Variants in NUP153 observed in about 807,000 individuals in gnomAD.
The protein encoded by NUP153 is nucleoporin 153, also known as nuclear pore complex protein Nup153.
Under a neutral mutation model 134.6 loss-of-function variants are expected in NUP153, and 27 were observed. The observed-to-expected ratio is 0.20, with a 90% CI of 0.15 to 0.28. The LOEUF (loss-of-function observed/expected upper bound fraction) is 0.28. NUP153 is among the 10% of genes least tolerant of loss of function. NUP153 has a pLI of 1.00. For missense variants in NUP153, 1,821 were observed against 1,731.3 expected (o/e 1.05, Z -0.92); for synonymous variants, 640 against 623.5 (o/e 1.03, Z -0.40).
Position 17,646,427 on chromosome 6 carries a change from C to T in NUP153, c.1633-273G>A, listed in dbSNP as rs375112063. On this transcript the variant is annotated intron_variant, in intron 13 of 21. Coordinates refer to ENST00000262077, the MANE Select transcript of NUP153 (RefSeq NM_005124.4). Reference sequence around the variant, plus strand: ...TTCACTGTGTTAGCCAGGATGGTCTCGATCTACTGACCTTGTGATCCGCCC... The same window carrying T: ...TTCACTGTGTTAGCCAGGATGGTCTTGATCTACTGACCTTGTGATCCGCCC... Among the ~76,000 whole-genome samples, 55 of 152,230 alleles carry T rather than the reference C, an allele frequency of 3.6e-4. No individual in the cohort carries two copies. The East Asian group carries it at 3.7e-3, about 10-fold the overall frequency.
chr6:17,669,896 A>G (rs1327482395), intron 5 of NUP153, among the ~76,000 whole-genome samples: 1 of 151,946 alleles, frequency 6.6e-6, no homozygotes, highest in Non-Finnish European at 1.5e-5. Context: ...GGAGTTCAAG[A>G]CCAGCCTGGG....
chr6:17,646,211 CT>C, intron 13 of NUP153, 57 bp from the exon 14 acceptor site: 4 of 903,958 alleles, frequency 4.4e-6, no homozygotes, highest in Non-Finnish European at 7.1e-6. Context: ...AAATATAGAG[CT>C]TTTTTATTCC....
intron 8 of NUP153, among the ~76,000 whole-genome samples, chr6:17,666,128 A>G (rs1767521464): frequency 6.6e-6 from 1 of 151,534 alleles, no homozygotes; most frequent in African/African-American, 2.4e-5. Context: ...CACCTGGCCC[A>G]GAGTGAATTT....
chr6:17,616,167 T>G lies in NUP153; in HGVS notation c.4358A>C (p.Asn1453Thr). The G allele has an allele frequency of 6.2e-7, 1 of 1,612,702 alleles. No individual in the cohort carries two copies. Among genetic ancestry groups the G allele is most frequent in the South Asian group, 1.1e-5 (1 of 91,050 alleles). Residue 1453 changes from asparagine to threonine, a missense_variant, in exon 22 of 22, where the codon AAT becomes ACT. By Grantham distance (65) the Asn-to-Thr change is moderately conservative (BLOSUM62 0). Transcript: ENST00000262077. ...AAFTVGSNGKNVFSSSGTSFS... is the reference protein window; with the variant it reads ...AAFTVGSNGKTVFSSSGTSFS... ...TGAAGTTCCAGAAGAAGAGAACACATTTTTCCCATTTGACCTGTGAAAAAT... is the reference window on the plus strand; with the variant it reads ...TGAAGTTCCAGAAGAAGAGAACACAGTTTTCCCATTTGACCTGTGAAAAAT...
intron 2 of NUP153, among the ~76,000 whole-genome samples, chr6:17,678,893 C>CCCAGGAG (rs1245901599): frequency 1.9e-4 from 29 of 151,062 alleles, no homozygotes; most frequent in Non-Finnish European, 4.1e-4. Context: ...CTGCAATGAG[C>CCCAGGAG]TATGATGGCA....
chr6:17,703,668 AAGG>A (rs1770270475), intron 1 of NUP153, among the ~76,000 whole-genome samples: 1 of 151,862 alleles, frequency 6.6e-6, no homozygotes, highest in Non-Finnish European at 1.5e-5. Context: ...AAAAAAAAAA[AAGG>A]AGAGTATTCT....
In NUP153 at chr6:17,616,035, T is replaced by A; in HGVS notation, c.*62A>T. ...CAGATAACCCCAGCACAAAGTACAA[T>A]CCAGTATCTGAAAGCAGGGCACCAG... On this transcript the variant is annotated 3_prime_UTR_variant, in exon 22 of 22. Transcript: ENST00000262077. 1 of 1,174,656 alleles carries A rather than the reference T, an allele frequency of 8.5e-7. No homozygotes were observed. The highest frequency in any genetic ancestry group is 1.3e-6 in the Non-Finnish European group (1 of 780,956). The allele number at this position is 1,174,656 out of a possible 1,614,324, so 72.8% of individuals were successfully genotyped here. A position where few individuals can be genotyped will look rare whatever the true frequency, so the allele number is the denominator to read the frequency against.
chr6:17,630,397 C>G (rs1395895033), intron 17 of NUP153, among the ~76,000 whole-genome samples: 1 of 152,174 alleles, frequency 6.6e-6, no homozygotes, highest in South Asian at 2.1e-4. Flanking sequence ...TGGTAGCTCA[C>G]GCTTGGAATC....
chr6:17,675,888 G>A lies in NUP153; in HGVS notation c.335-118C>T, dbSNP rs74740181. 23 of 956,012 alleles carry A rather than the reference G, an allele frequency of 2.4e-5. 1 individual carries two copies. In the East Asian group the frequency reaches 5.7e-4, roughly 24 times the overall value. The allele number at this position is 956,012 out of a possible 1,614,324, so 59.2% of individuals were successfully genotyped here. A position where few individuals can be genotyped will look rare whatever the true frequency, so the allele number is the denominator to read the frequency against. On this transcript the variant is annotated intron_variant, in intron 2 of 21. Coordinates refer to ENST00000262077, the MANE Select transcript of NUP153 (RefSeq NM_005124.4). This position sits in a 1 kb window ranked among gnomAD's most constrained non-coding sequence, Gnocchi z 4.4. The stretch of plus-strand genomic sequence containing the variant: ...ATAATAGCTTCAATTCAAATCACTG[G>A]GGCATCCCATAATAAGCCCAATATA...
chr6:17,655,764 A>T (rs1390646501), intron 11 of NUP153, among the ~76,000 whole-genome samples: 2 of 152,060 alleles, frequency 1.3e-5, no homozygotes, highest in Non-Finnish European at 2.9e-5. Context: ...CAATCTTTTA[A>T]TTTTTTACCA....
intron 2 of NUP153, among the ~76,000 whole-genome samples, chr6:17,686,376 A>C (rs533558889): frequency 2.0e-5 from 3 of 152,018 alleles, no homozygotes; most frequent in African/African-American, 7.2e-5. Context: ...CGCATGTCTT[A>C]ATTGTTAACA....
chr6:17,666,440 G>A (rs772921760), intron 8 of NUP153, among the ~76,000 whole-genome samples: 8 of 152,232 alleles, frequency 5.3e-5, no homozygotes, highest in Middle Eastern at 3.4e-3. Flanking sequence ...GTTTGAACCC[G>A]GAGGCAGAGC....
intron 1 of NUP153, among the ~76,000 whole-genome samples, chr6:17,698,732 T>C (rs1249219782): frequency 1.6e-5 from 2 of 128,518 alleles, no homozygotes. Context: ...AGCAAGACTC[T>C]GTCTCAAAAA....
At chr6:17,650,163 C>T (rs1443998366) in intron 11 of NUP153, among the ~76,000 whole-genome samples, 1 of 152,150 alleles carries the variant, frequency 6.6e-6, no homozygotes, top group Non-Finnish European at 1.5e-5. Flanking sequence ...AAACAATCAT[C>T]TGAAGGCACA....
chr6:17,704,583 T>C (rs1002170431), intron 1 of NUP153, among the ~76,000 whole-genome samples: 3 of 152,152 alleles, frequency 2.0e-5, no homozygotes, highest in Non-Finnish European at 4.4e-5. Flanking sequence ...CTAAGCACTT[T>C]ATGTACATAT....
chr6:17,624,539 A>C (rs771384178), intron 20 of NUP153, 22 bp downstream of exon 20: 4 of 1,610,896 alleles, frequency 2.5e-6, no homozygotes, highest in Middle Eastern at 1.7e-4. Flanking sequence ...TACAGATACT[A>C]ACAGCATCAC....
chr6:17,670,052 C>T (rs979795001), intron 5 of NUP153, among the ~76,000 whole-genome samples: 5 of 142,796 alleles, frequency 3.5e-5, no homozygotes, highest in South Asian at 2.2e-4. Flanking sequence ...GCCGAGACTG[C>T]ACCACTCTAC....
intron 18 of NUP153, among the ~76,000 whole-genome samples, chr6:17,627,855 T>C (rs1409383530): frequency 6.6e-6 from 1 of 152,240 alleles, no homozygotes; most frequent in Admixed American, 6.5e-5. Flanking sequence ...GTCCTAAATT[T>C]CAGTGATCTT....
At chr6:17,663,230 A>ACAC (rs1767301895) in intron 9 of NUP153, among the ~76,000 whole-genome samples, 7 of 91,852 alleles carry the variant, frequency 7.6e-5, no homozygotes, top group African/African-American at 2.3e-4. Context: ...AAAAGAAAAA[A>ACAC]ATACACACAC....
Sources: allele counts gnomAD v4.1 joint callset (sites outside exome capture counted in the v4.1 genomes callset), GRCh38; gene constraint gnomAD v4.1.1; non-coding constraint Gnocchi (gnomAD v3.1); transcripts MANE v1.5; gene names NCBI Gene and HGNC (gene_info 2026-07-23, HGNC 2026-07-21).